The following GSN variants were observed in gnomAD, a reference collection of about 807,000 sequenced individuals.
GSN encodes gelsolin, also known as actin-depolymerizing factor.
In GSN, 56 loss-of-function variants were observed where a neutral mutation model predicts 85.7. That is an observed-to-expected ratio of 0.65 (90% CI 0.53 to 0.82). GSN has a LOEUF of 0.82. Among genes scored for constraint, GSN ranks in the 40% least tolerant of loss-of-function variants. The pLI, the probability that GSN is intolerant of heterozygous loss-of-function variation, is 0.00. For missense variants in GSN, 857 were observed against 979.8 expected (o/e 0.87, Z 1.67); for synonymous variants, 373 against 399.1 (o/e 0.93, Z 0.78).
At chr9:121,206,954 G>A (rs1029166266), upstream of GSN, among the ~76,000 whole-genome samples, 2 of 152,074 alleles carry the variant, frequency 1.3e-5, no homozygotes, top group Admixed American at 6.5e-5. Context: ...TGACCACACC[G>A]TGAGATCCAC....
chr9:121,248,828 G>A (rs527989758), intron 6 of GSN, among the ~76,000 whole-genome samples: 1 of 152,176 alleles, frequency 6.6e-6, no homozygotes, highest in South Asian at 2.1e-4. Context: ...GAAAGAAGGC[G>A]AGTAGGTGAG....
intron 3 of GSN, 110 bp from the exon 4 acceptor site, chr9:121,302,801 C>T (rs2060020850): frequency 9.3e-7 from 1 of 1,072,916 alleles, no homozygotes. Context: ...GCTTTCTCAG[C>T]TTCTACAGCT....
At chr9:121,233,778 G>A (rs1373473520) in intron 5 of GSN, among the ~76,000 whole-genome samples, 1 of 152,190 alleles carries the variant, frequency 6.6e-6, no homozygotes, top group African/African-American at 2.4e-5. Context: ...CCTATAGCTA[G>A]CAAGGCCTAG....
chr9:121,286,692 T>G (rs1032858163), intron 2 of GSN: 1 of 1,535,206 alleles, frequency 6.5e-7, no homozygotes, highest in African/African-American at 1.4e-5. Context: ...AATTTGTGAT[T>G]GAACAGCCAC....
At chr9:121,312,055 A>G (rs901240872) in intron 5 of GSN, 13 of 365,566 alleles carry the variant, frequency 3.6e-5, no homozygotes, top group Non-Finnish European at 5.5e-5. Flanking sequence ...GGTTGTGCCA[A>G]TTTATATTCC....
intron 4 of GSN, among the ~76,000 whole-genome samples, chr9:121,308,140 C>A (rs969844325): frequency 1.3e-5 from 2 of 152,228 alleles, no homozygotes; most frequent in Non-Finnish European, 2.9e-5. Context: ...ATAGTGTGGC[C>A]AACCCACAGC....
chr9:121,295,561 G>C lies in GSN; in HGVS notation c.-9-6402G>C, dbSNP rs184906188. Among the ~76,000 whole-genome samples the C allele has an allele frequency of 3.0e-3, 457 of 152,360 alleles. 9 individuals carry two copies. Among genetic ancestry groups the C allele is most frequent in the Admixed American group, 0.027 (407 of 15,306 alleles). On this transcript the variant is annotated intron_variant, in intron 2 of 17. Transcript: ENST00000432226. The stretch of plus-strand genomic sequence containing the variant: ...AGGCCTTTTTGTACACTGTGGCTGG[G>C]GATGGAAGGGGCGGGGGAGGCCACC...
At chr9:121,257,957 T>G (rs1467777846) in intron 6 of GSN, among the ~76,000 whole-genome samples, 1 of 152,194 alleles carries the variant, frequency 6.6e-6, no homozygotes. Context: ...AAAGAACATA[T>G]GGCAACATGG....
intron 4 of GSN, among the ~76,000 whole-genome samples, chr9:121,230,312 C>T (rs898141717): frequency 8.5e-5 from 13 of 152,092 alleles, no homozygotes; most frequent in South Asian, 4.1e-4. Flanking sequence ...AAGCTCAGGA[C>T]GTTCAATTCC....
chr9:121,297,342 A>C (rs917294437), intron 2 of GSN, among the ~76,000 whole-genome samples: 53 of 152,296 alleles, frequency 3.5e-4, no homozygotes, highest in African/African-American at 1.2e-3. Flanking sequence ...TAGTTCTATG[A>C]ATTTTAGTAG....
intron 4 of GSN, 163 bp from the exon 5 acceptor site, chr9:121,310,521 A>G (rs928713150): frequency 1.3e-5 from 9 of 718,588 alleles, no homozygotes; most frequent in Non-Finnish European, 2.3e-5. Flanking sequence ...CTCAAACAAG[A>G]TAATGGGTAT....
At chr9:121,253,991 T>C (rs2054894102) in intron 6 of GSN, among the ~76,000 whole-genome samples, 1 of 152,200 alleles carries the variant, frequency 6.6e-6, no homozygotes, top group African/African-American at 2.4e-5. Flanking sequence ...TTCTTCTTTC[T>C]CCTTTTTTGG....
chr9:121,220,053 T>C (rs2054140749), intron 4 of GSN, among the ~76,000 whole-genome samples: 1 of 152,086 alleles, frequency 6.6e-6, no homozygotes, highest in Non-Finnish European at 1.5e-5. Context: ...GGCTAATTTT[T>C]AGTATTTTTA....
At chr9:121,326,719 C>T (rs927700647) in intron 13 of GSN, 37 bp downstream of exon 13, 2 of 1,552,772 alleles carry the variant, frequency 1.3e-6, no homozygotes, top group East Asian at 2.2e-5. Context: ...AGGGATTGGC[C>T]TCCCTGAAAC....
intron 4 of GSN, among the ~76,000 whole-genome samples, chr9:121,225,115 A>G (rs1179294152): frequency 3.9e-5 from 6 of 152,208 alleles, no homozygotes; most frequent in East Asian, 1.9e-4. Context: ...TACCATGCCC[A>G]GCCAAATGTA....
At chr9:121,267,163 G>A (rs988148257), upstream of GSN, among the ~76,000 whole-genome samples, 1 of 152,140 alleles carries the variant, frequency 6.6e-6, no homozygotes, top group Non-Finnish European at 1.5e-5. Flanking sequence ...GGAGTCACGC[G>A]GCAACTCCAA....
At chr9:121,328,238 C>T (rs1207950506) in intron 14 of GSN, among the ~76,000 whole-genome samples, 1 of 152,164 alleles carries the variant, frequency 6.6e-6, no homozygotes, top group Non-Finnish European at 1.5e-5. Flanking sequence ...TCATTCCCAC[C>T]TGCTTGATGC....
chr9:121,210,567 C>A (rs142042565), intron 3 of GSN, among the ~76,000 whole-genome samples: 1 of 152,330 alleles, frequency 6.6e-6, no homozygotes, highest in East Asian at 1.9e-4. Context: ...GGGGCCTTCT[C>A]TTTGCCTCAG....
In GSN at chr9:121,318,833, A is replaced by T; in HGVS notation, c.1144A>T (p.Met382Leu). 1 of 1,614,078 alleles carries T rather than the reference A, an allele frequency of 6.2e-7. No individual in the cohort carries two copies. The highest frequency in any genetic ancestry group is 8.5e-7 in the Non-Finnish European group (1 of 1,180,012). ...DAATLHTSTAMAAQHGMDDDG... is the reference protein window; with the variant it reads ...DAATLHTSTALAAQHGMDDDG... ...CGCCACCCTGCACACCTCCACTGCCATGGCCGCCCAGCACGGCATGGATGA... is the reference window on the plus strand; with the variant it reads ...CGCCACCCTGCACACCTCCACTGCCTTGGCCGCCCAGCACGGCATGGATGA... The change falls in exon 10 of 18, where the codon ATG (methionine) becomes TTG (leucine). Residue 382 changes from methionine to leucine, a missense_variant. Met to Leu is a conservative substitution (Grantham distance 15). Transcript: ENST00000432226. The surrounding 1 kb of genome is among the most constrained non-coding windows in gnomAD (Gnocchi z 4.3).
Sources: allele counts gnomAD v4.1 joint callset (sites outside exome capture counted in the v4.1 genomes callset), GRCh38; gene constraint gnomAD v4.1.1; non-coding constraint Gnocchi (gnomAD v3.1); transcripts MANE v1.5; gene names NCBI Gene and HGNC (gene_info 2026-07-23, HGNC 2026-07-21).